TMEFF2: variants seen among roughly 807,000 people sequenced by gnomAD.
TMEFF2 encodes tomoregulin-2.
TMEFF2 carries 28 observed loss-of-function variants against 53.8 expected under a neutral mutation model. The observed-to-expected ratio is 0.52, with a 90% CI of 0.39 to 0.71. The LOEUF (loss-of-function observed/expected upper bound fraction) is 0.71, where lower values mean the gene tolerates loss of function less well. TMEFF2 is among the 30% of genes least tolerant of loss of function. The pLI, the probability that TMEFF2 is intolerant of heterozygous loss-of-function variation, is 0.00. For synonymous variants in TMEFF2, 162 were observed against 166.3 expected (o/e 0.97, Z 0.20); for missense variants, 353 against 455.2 (o/e 0.78, Z 2.04).
At chr2:192,105,397 A>G (rs1224084599) in intron 4 of TMEFF2, among the ~76,000 whole-genome samples, 1 of 152,020 alleles carries the variant, frequency 6.6e-6, no homozygotes, top group African/African-American at 2.4e-5. Flanking sequence ...AAAATTAATA[A>G]CAGCTATTAT....
At chr2:191,964,402 T>TTC (rs1443188705) in intron 7 of TMEFF2, among the ~76,000 whole-genome samples, 19 of 99,286 alleles carry the variant, frequency 1.9e-4, no homozygotes, top group African/African-American at 4.1e-4. Flanking sequence ...TTCTTTCTCT[T>TTC]TCTTTCTTTC....
intron 4 of TMEFF2, among the ~76,000 whole-genome samples, chr2:192,153,031 A>C (rs1317695062): frequency 6.6e-6 from 1 of 151,682 alleles, no homozygotes; most frequent in Non-Finnish European, 1.5e-5. Flanking sequence ...GGAAATGTTA[A>C]ATTTAAGAAA....
intron 5 of TMEFF2, among the ~76,000 whole-genome samples, chr2:192,024,717 G>A (rs552791810): frequency 6.6e-5 from 10 of 152,312 alleles, no homozygotes; most frequent in African/African-American, 2.2e-4. Context: ...TTTATTTGGA[G>A]TCTAGCCTCG....
At chr2:192,145,882 A>T (rs189535346) in intron 4 of TMEFF2, among the ~76,000 whole-genome samples, 18 of 152,160 alleles carry the variant, frequency 1.2e-4, no homozygotes, top group Non-Finnish European at 2.4e-4. Context: ...TACCATGTCA[A>T]TGTGGCACTT....
intron 4 of TMEFF2, among the ~76,000 whole-genome samples, chr2:192,110,793 T>C (rs1049243738): frequency 6.6e-6 from 1 of 152,172 alleles, no homozygotes; most frequent in Non-Finnish European, 1.5e-5. Flanking sequence ...TCATCTTGAA[T>C]TGTAGTTTCC....
At chr2:192,132,394 A>G (rs1045783200) in intron 4 of TMEFF2, among the ~76,000 whole-genome samples, 4 of 152,104 alleles carry the variant, frequency 2.6e-5, no homozygotes, top group African/African-American at 9.7e-5. Context: ...CAACCCTGAG[A>G]CGCTTTACAG....
chr2:192,130,923 C>T lies in TMEFF2; in HGVS notation c.439+48745G>A, dbSNP rs1689808909. Among the ~76,000 whole-genome samples, 6 of 150,962 alleles carry T rather than the reference C, an allele frequency of 4.0e-5. No homozygotes were observed. The South Asian group carries it at 1.3e-3, about 32-fold the overall frequency. On this transcript the variant is annotated intron_variant, in intron 4 of 9. Coordinates refer to ENST00000272771, the MANE Select transcript of TMEFF2 (RefSeq NM_016192.4). The stretch of plus-strand genomic sequence containing the variant: ...CGGCGCTGGTCACGGACTGGGAAGG[C>T]AGCCTTCCCTTGGTGTTTAATCATT...
At chr2:191,996,896 G>A (rs1686235497) in intron 7 of TMEFF2, among the ~76,000 whole-genome samples, 1 of 151,902 alleles carries the variant, frequency 6.6e-6, no homozygotes, top group African/African-American at 2.4e-5. Flanking sequence ...GGGCTTGAAT[G>A]ATGAGTACTT....
chr2:192,038,227 C>A (rs976826729), intron 5 of TMEFF2, among the ~76,000 whole-genome samples: 4 of 152,276 alleles, frequency 2.6e-5, no homozygotes, highest in Non-Finnish European at 5.9e-5. Flanking sequence ...AAGAGTACGA[C>A]CTCTGGGTTC....
intron 7 of TMEFF2, among the ~76,000 whole-genome samples, chr2:191,988,947 A>T (rs1388183525): frequency 6.6e-6 from 1 of 152,242 alleles, no homozygotes; most frequent in African/African-American, 2.4e-5. Context: ...AAACATTAAC[A>T]ACGTCACCAT....
intron 4 of TMEFF2, among the ~76,000 whole-genome samples, chr2:192,117,668 C>T (rs1330626888): frequency 1.3e-5 from 2 of 151,986 alleles, no homozygotes; most frequent in East Asian, 1.9e-4. Flanking sequence ...CACCTCCCCA[C>T]CCCCCACTTT....
chr2:192,132,325 A>G (rs1202529920), intron 4 of TMEFF2, among the ~76,000 whole-genome samples: 1 of 151,982 alleles, frequency 6.6e-6, no homozygotes, highest in African/African-American at 2.4e-5. Flanking sequence ...ATCAGATAGC[A>G]TTTAGGCTCT....
At chr2:192,064,244 AATT>A (rs1367708725) in intron 4 of TMEFF2, among the ~76,000 whole-genome samples, 1 of 151,698 alleles carries the variant, frequency 6.6e-6, no homozygotes, top group East Asian at 1.9e-4. Flanking sequence ...TGTATCTTTA[AATT>A]ATTCTATTAC....
chr2:191,950,254 T>C lies in TMEFF2; in HGVS notation c.*57A>G, dbSNP rs1177602384. On this transcript the variant is annotated 3_prime_UTR_variant, in exon 10 of 10. Coordinates refer to ENST00000272771, the MANE Select transcript of TMEFF2 (RefSeq NM_016192.4). Reference sequence around the variant, plus strand: ...TCTTGTCTTATTCTTTTGTCTATAATACTGTATTGTGTAGTCCAAGCTCTC... The same window carrying C: ...TCTTGTCTTATTCTTTTGTCTATAACACTGTATTGTGTAGTCCAAGCTCTC... 1 of 1,476,850 alleles carries C rather than the reference T, an allele frequency of 6.8e-7. No individual in the cohort carries two copies. The highest frequency in any genetic ancestry group is 1.3e-5 in the South Asian group (1 of 76,688). The allele number at this position is 1,476,850 out of a possible 1,614,324, so 91.5% of individuals were successfully genotyped here. A position where few individuals can be genotyped will look rare whatever the true frequency, so the allele number is the denominator to read the frequency against.
intron 4 of TMEFF2, among the ~76,000 whole-genome samples, chr2:192,103,442 T>A (rs1689079001): frequency 6.6e-6 from 1 of 152,116 alleles, no homozygotes; most frequent in South Asian, 2.1e-4. Context: ...CTCTTTTGTT[T>A]CTCCTTAGAA....
chr2:192,169,941 T>A (rs1690866205), intron 4 of TMEFF2, among the ~76,000 whole-genome samples: 1 of 150,990 alleles, frequency 6.6e-6, no homozygotes, highest in African/African-American at 2.4e-5. Context: ...TTCCAGAATA[T>A]AACCATTTAA....
At chr2:192,101,162 G>A (rs1397781791) in intron 4 of TMEFF2, among the ~76,000 whole-genome samples, 1 of 152,156 alleles carries the variant, frequency 6.6e-6, no homozygotes, top group Non-Finnish European at 1.5e-5. Context: ...CTGTGTTTCA[G>A]CAGCTTAGCT....
chr2:192,097,075 A>T (rs916432538), intron 4 of TMEFF2, among the ~76,000 whole-genome samples: 2 of 152,208 alleles, frequency 1.3e-5, no homozygotes, highest in African/African-American at 4.8e-5. Flanking sequence ...TGCAAATAGC[A>T]CAGCAGTTAT....
chr2:192,109,679 AT>A (rs1465119421), intron 4 of TMEFF2, among the ~76,000 whole-genome samples: 2 of 152,112 alleles, frequency 1.3e-5, no homozygotes, highest in African/African-American at 2.4e-5. Flanking sequence ...TGAAACAACC[AT>A]TTGTTTTCTG....
Sources: allele counts gnomAD v4.1 joint callset (sites outside exome capture counted in the v4.1 genomes callset), GRCh38; gene constraint gnomAD v4.1.1; transcripts MANE v1.5; gene names NCBI Gene and HGNC (gene_info 2026-07-23, HGNC 2026-07-21).